MICU3: variants seen among roughly 807,000 people sequenced by gnomAD.
MICU3 encodes mitochondrial calcium uptake 3.
A neutral mutation model predicts 66.5 loss-of-function variants in MICU3; 62 were observed. The observed-to-expected ratio is 0.93, with a 90% CI of 0.76 to 1.15. The LOEUF (loss-of-function observed/expected upper bound fraction) is 1.15, where lower values mean the gene tolerates loss of function less well. Ranked by LOEUF, MICU3 falls within the 50% of genes most tolerant of loss-of-function variation. The pLI is 0.00. For missense variants in MICU3, 779 were observed against 664.4 expected, an observed-to-expected ratio of 1.17 and a Z score of -1.90; for synonymous variants, 308 against 240.7, an observed-to-expected ratio of 1.28 and a Z score of -2.59.
chr8:17,102,169 C>T (rs117356579), intron 9 of MICU3, among the ~76,000 whole-genome samples: 105 of 151,864 alleles, frequency 6.9e-4, no homozygotes, highest in African/African-American at 2.5e-3. Flanking sequence ...ACATTTCCCC[C>T]TTCTGATCTA....
intron 1 of MICU3, among the ~76,000 whole-genome samples, chr8:17,041,045 C>T (rs1813982722): frequency 6.6e-6 from 1 of 152,048 alleles, no homozygotes; most frequent in African/African-American, 2.4e-5. Flanking sequence ...GGTAAATTTC[C>T]ATTTGGATGC....
chr8:17,080,725 C>T (rs1441256790), intron 4 of MICU3, among the ~76,000 whole-genome samples: 3 of 152,140 alleles, frequency 2.0e-5, no homozygotes, highest in African/African-American at 7.2e-5. Flanking sequence ...TCAGGGCCTC[C>T]TGGCTAGTGC....
intron 1 of MICU3, among the ~76,000 whole-genome samples, chr8:17,058,753 C>G (rs1817377996): frequency 6.6e-6 from 1 of 152,182 alleles, no homozygotes; most frequent in Non-Finnish European, 1.5e-5. Flanking sequence ...AAGCCAATCT[C>G]CTGTGCACTC....
At chr8:17,075,305 TG>T (rs1820214638) in intron 3 of MICU3, among the ~76,000 whole-genome samples, 1 of 152,182 alleles carries the variant, frequency 6.6e-6, no homozygotes, top group Non-Finnish European at 1.5e-5. Context: ...AATTATTGGC[TG>T]TGTGATTGAA....
At chr8:17,034,489 G>C (rs987268340) in intron 1 of MICU3, among the ~76,000 whole-genome samples, 1 of 152,214 alleles carries the variant, frequency 6.6e-6, no homozygotes, top group African/African-American at 2.4e-5. Context: ...TGATTCCTCT[G>C]ATGGATCTGG....
At chr8:17,132,344 T>C in the MICU3 span, 6 of 152,212 alleles carry the variant, frequency 3.9e-5, no homozygotes, top group African/African-American at 1.4e-4. Context: ...TTCATTGATT[T>C]CGCCCACCTC....
the MICU3 span, among the ~76,000 whole-genome samples, chr8:17,135,229 T>A: frequency 6.6e-5 from 10 of 152,058 alleles, no homozygotes; most frequent in African/African-American, 2.4e-4. Context: ...TGAAACCCCA[T>A]CCCTACTAGA....
chr8:17,110,162 G>T (rs979649334), intron 11 of MICU3, among the ~76,000 whole-genome samples: 1 of 152,102 alleles, frequency 6.6e-6, no homozygotes, highest in African/African-American at 2.4e-5. Context: ...TTTTCTGAAC[G>T]TCTGTTTGTA....
the MICU3 span, among the ~76,000 whole-genome samples, chr8:17,138,205 G>T: frequency 6.6e-6 from 1 of 152,034 alleles, no homozygotes; most frequent in African/African-American, 2.4e-5. Flanking sequence ...TCATCAATAA[G>T]AATGAGGGAC....
At chr8:17,073,146 A>G (rs867327295) in intron 3 of MICU3, among the ~76,000 whole-genome samples, 6 of 152,164 alleles carry the variant, frequency 3.9e-5, no homozygotes, top group Admixed American at 6.5e-5. Context: ...AATACCTAAT[A>G]ATGTTGAAAA....
intron 8 of MICU3, among the ~76,000 whole-genome samples, chr8:17,093,135 C>A (rs1487566913): frequency 7.2e-5 from 11 of 152,120 alleles, no homozygotes; most frequent in African/African-American, 2.6e-4. Flanking sequence ...TACCTTATAA[C>A]CTTTTCTGTT....
rs188180587 is a variant in MICU3, at chr8:17,081,203, A to G, written c.647-490A>G. 9.2e-5 allele frequency among the ~76,000 whole-genome samples: 14 copies of G among 152,278 alleles called. 1 individual carries two copies. Among genetic ancestry groups the G allele is most frequent in the Admixed American group, 8.5e-4 (13 of 15,280 alleles). ...ATTTGAAAGCAGAAAAGTGGTAACT[A>G]TAGAGCTTTACTCTTAAAATGCGAA... On this transcript the variant is annotated intron_variant, in intron 4 of 14. Coordinates refer to ENST00000318063, the MANE Select transcript of MICU3 (RefSeq NM_181723.3).
At chr8:17,067,540 C>T (rs776751862) in intron 2 of MICU3, among the ~76,000 whole-genome samples, 24 of 152,024 alleles carry the variant, frequency 1.6e-4, no homozygotes, top group Admixed American at 2.6e-4. Flanking sequence ...AGTGATTCTC[C>T]TGCCTCAGCC....
chr8:17,036,467 G>C (rs1163572266), intron 1 of MICU3, among the ~76,000 whole-genome samples: 1 of 152,158 alleles, frequency 6.6e-6, no homozygotes, highest in Non-Finnish European at 1.5e-5. Context: ...ACATCCTGCT[G>C]ATTGGTAGAG....
At chr8:17,071,661 G>T (rs1819608711) in intron 3 of MICU3, among the ~76,000 whole-genome samples, 1 of 152,012 alleles carries the variant, frequency 6.6e-6, no homozygotes, top group Admixed American at 6.6e-5. Context: ...GTGATTGGAA[G>T]AAAAATGTAA....
chr8:17,118,640 A>G (rs1201529479), intron 13 of MICU3, 67 bp from the exon 14 acceptor site: 3 of 1,010,232 alleles, frequency 3.0e-6, no homozygotes, highest in African/African-American at 3.2e-5. Flanking sequence ...TAGATTCCAC[A>G]TGTAAGTGAA....
At chr8:17,053,117 G>C (rs944682487) in intron 1 of MICU3, among the ~76,000 whole-genome samples, 1 of 152,030 alleles carries the variant, frequency 6.6e-6, no homozygotes, top group African/African-American at 2.4e-5. Flanking sequence ...TAATATTGGT[G>C]AATACAAATG....
chr8:17,115,073 C>G (rs1217889342), intron 12 of MICU3, among the ~76,000 whole-genome samples: 2 of 148,798 alleles, frequency 1.3e-5, no homozygotes, highest in Admixed American at 6.7e-5. Flanking sequence ...GAGCCGAGAT[C>G]CCGCCACTGC....
intron 1 of MICU3, among the ~76,000 whole-genome samples, chr8:17,062,466 T>C (rs2150622563): frequency 6.6e-6 from 1 of 152,298 alleles, no homozygotes; most frequent in Non-Finnish European, 1.5e-5. Flanking sequence ...ACTCCTGTAA[T>C]GTTTTGAGAA....
Sources: gnomAD v4.1 joint callset for allele counts (sites outside exome capture counted in the v4.1 genomes callset) on GRCh38, gnomAD v4.1.1 for gene constraint, MANE v1.5 for transcripts, NCBI Gene and HGNC (gene_info 2026-07-23, HGNC 2026-07-21) for gene names.